Variants in MCF2L2 observed in about 807,000 individuals in gnomAD.
MCF2L2 encodes MCF.2 cell line derived transforming sequence-like 2.
In MCF2L2, 102 loss-of-function variants were observed where a neutral mutation model predicts 150.2. That is an observed-to-expected ratio of 0.68 (90% confidence interval 0.58 to 0.80). The LOEUF (loss-of-function observed/expected upper bound fraction) is 0.80. Among genes scored for constraint, MCF2L2 ranks in the 30% least tolerant of loss-of-function variants. The probability of loss-of-function intolerance (pLI) is 0.00; values close to 1 mark genes in which losing one functional copy is unlikely to be tolerated. For missense variants in MCF2L2, 1,256 were observed against 1,372.8 expected (o/e 0.91, Z 1.34); for synonymous variants, 465 against 491.3 (o/e 0.95, Z 0.71).
intron 21 of MCF2L2, among the ~76,000 whole-genome samples, chr3:183,216,446 A>T (rs1227325521): frequency 7.1e-6 from 1 of 141,728 alleles, no homozygotes; most frequent in Admixed American, 7.2e-5. Context: ...ATATTTATAT[A>T]GTATATTAAA....
At chr3:183,254,394 G>C (rs892406056) in intron 15 of MCF2L2, among the ~76,000 whole-genome samples, 1 of 151,890 alleles carries the variant, frequency 6.6e-6, no homozygotes, top group Non-Finnish European at 1.5e-5. Context: ...CTGAAAGCGC[G>C]GCGGAGAAGG....
At chr3:183,295,568 T>G (rs1728453341) in intron 12 of MCF2L2, 91 bp from the exon 13 acceptor site, 1 of 1,247,876 alleles carries the variant, frequency 8.0e-7, no homozygotes, top group Admixed American at 2.0e-5. Flanking sequence ...CTTCCCCTAC[T>G]CCCCCCATCC....
chr3:183,398,997 C>T (rs915662160), intron 1 of MCF2L2, among the ~76,000 whole-genome samples: 1 of 152,160 alleles, frequency 6.6e-6, no homozygotes, highest in Non-Finnish European at 1.5e-5. Flanking sequence ...TCACTACTAA[C>T]AGAGTTGGAA....
At chr3:183,371,905 A>G (rs941017731) in intron 3 of MCF2L2, 1 of 152,158 alleles carries the variant, frequency 6.6e-6, no homozygotes, top group Non-Finnish European at 1.5e-5. Context: ...CGTTTGTTTC[A>G]CAGGGGCAGA....
intron 5 of MCF2L2, among the ~76,000 whole-genome samples, chr3:183,333,481 C>A (rs1481260748): frequency 2.0e-5 from 3 of 152,190 alleles, no homozygotes; most frequent in African/African-American, 7.2e-5. Context: ...TACTCCCAGC[C>A]ATCTAGGTGG....
chr3:183,244,247 T>G (rs1724155392), intron 15 of MCF2L2, among the ~76,000 whole-genome samples: 1 of 152,070 alleles, frequency 6.6e-6, no homozygotes. Context: ...GGACTAGATC[T>G]TTCTCCAGTG....
chr3:183,287,331 C>T (rs963224707), intron 14 of MCF2L2: 1 of 152,050 alleles, frequency 6.6e-6, no homozygotes, highest in Admixed American at 6.6e-5. Context: ...CAAAGTAGGT[C>T]GTAGAGATAG....
chr3:183,279,026 C>A (rs1340737994), intron 14 of MCF2L2, among the ~76,000 whole-genome samples: 1 of 152,004 alleles, frequency 6.6e-6, no homozygotes, highest in Non-Finnish European at 1.5e-5. Context: ...TGAGAAGGAC[C>A]CACAGCAGAT....
intron 20 of MCF2L2, 140 bp downstream of exon 20, chr3:183,223,206 A>G: frequency 1.6e-6 from 1 of 614,814 alleles, no homozygotes; most frequent in Non-Finnish European, 2.9e-6. Flanking sequence ...TTAGAGTTGG[A>G]GGAAAGAAAA....
intron 1 of MCF2L2, among the ~76,000 whole-genome samples, chr3:183,392,429 G>T (rs904289757): frequency 2.6e-5 from 4 of 151,930 alleles, no homozygotes; most frequent in Non-Finnish European, 5.9e-5. Context: ...TCTGAGGTTT[G>T]CCCATCCCCC....
At chr3:183,413,611 C>T (rs1014224236) in intron 1 of MCF2L2, among the ~76,000 whole-genome samples, 3 of 152,192 alleles carry the variant, frequency 2.0e-5, no homozygotes, top group Admixed American at 6.5e-5. Flanking sequence ...GCGGTCAAGA[C>T]GCCTGCACCC....
At chr3:183,408,008 G>A (rs1054056636) in intron 1 of MCF2L2, among the ~76,000 whole-genome samples, 1 of 152,158 alleles carries the variant, frequency 6.6e-6, no homozygotes, top group Non-Finnish European at 1.5e-5. Context: ...AGGGTGGCCA[G>A]GGGACACTTT....
rs974720420 is a variant in MCF2L2 at position 183,361,608 on chromosome 3, T to C, written c.275+17689A>G. Among the ~76,000 whole-genome samples the C allele has an allele frequency of 3.9e-5, 6 of 152,364 alleles. 1 individual carries two copies. In the South Asian group the frequency reaches 1.2e-3, roughly 32 times the overall value. On this transcript the variant is annotated intron_variant, in intron 3 of 29. Coordinates refer to ENST00000328913, the MANE Select transcript of MCF2L2 (RefSeq NM_015078.4). Reference sequence around the variant, plus strand: ...GTTTCCTGAGGCCTCCCAGCCATGCTTCCTGTACAACCTGTGGAAATGTGA... The same window carrying C: ...GTTTCCTGAGGCCTCCCAGCCATGCCTCCTGTACAACCTGTGGAAATGTGA...
chr3:183,323,159 TG>T, intron 6 of MCF2L2, 75 bp downstream of exon 6: 1 of 1,048,084 alleles, frequency 9.5e-7, no homozygotes, highest in Non-Finnish European at 1.4e-6. Flanking sequence ...TCCTGGCAGT[TG>T]ATCTTTAACT....
chr3:183,206,293 C>T (rs549980102), intron 23 of MCF2L2, 79 bp from the exon 24 acceptor site: 5 of 1,040,430 alleles, frequency 4.8e-6, no homozygotes, highest in South Asian at 2.5e-5. Context: ...CACTCTAATC[C>T]TTTCTATCCT....
intron 14 of MCF2L2, among the ~76,000 whole-genome samples, chr3:183,286,060 C>A (rs1727775537): frequency 6.6e-6 from 1 of 152,168 alleles, no homozygotes. Flanking sequence ...ATCACCCTTG[C>A]CAGATGGCCC....
intron 14 of MCF2L2, among the ~76,000 whole-genome samples, chr3:183,278,607 T>C (rs1727300501): frequency 1.3e-5 from 2 of 152,180 alleles, no homozygotes; most frequent in Non-Finnish European, 2.9e-5. Context: ...CATCTTTGGA[T>C]CCCCAGCGTG....
At chr3:183,412,471 G>GT (rs1715364641) in intron 1 of MCF2L2, among the ~76,000 whole-genome samples, 1 of 151,980 alleles carries the variant, frequency 6.6e-6, no homozygotes, top group African/African-American at 2.4e-5. Context: ...GCTGATTTTT[G>GT]TATTTTTAGT....
intron 3 of MCF2L2, among the ~76,000 whole-genome samples, chr3:183,370,373 G>GGGCAAGGCCCAGGGTCTCT (rs1739231353): frequency 6.6e-6 from 1 of 152,256 alleles, no homozygotes; most frequent in African/African-American, 2.4e-5. Context: ...GTGGGGCATC[G>GGGCAAGGCCCAGGGTCTCT]GGCAAGGCCC....
Sources: allele counts gnomAD v4.1 joint callset (sites outside exome capture counted in the v4.1 genomes callset), GRCh38; gene constraint gnomAD v4.1.1; transcripts MANE v1.5; gene names NCBI Gene and HGNC (gene_info 2026-07-23, HGNC 2026-07-21).